TASP1: variants seen among roughly 807,000 people sequenced by gnomAD.
TASP1 encodes the protein threonine aspartase 1.
Under a neutral mutation model 56.6 loss-of-function variants are expected in TASP1, and 16 were observed. That is an observed-to-expected ratio of 0.28 (90% CI 0.19 to 0.43). TASP1 has a LOEUF of 0.43. TASP1 is among the 20% of genes least tolerant of loss of function. TASP1 has a pLI of 1.00. For missense variants in TASP1, 393 were observed against 511.6 expected (o/e 0.77, Z 2.24); for synonymous variants, 179 against 184.2 (o/e 0.97, Z 0.23).
chr20:13,111,960 C>T, the TASP1 span, among the ~76,000 whole-genome samples: 1 of 152,302 alleles, frequency 6.6e-6, no homozygotes, highest in Non-Finnish European at 1.5e-5. Context: ...CTGCATCCCA[C>T]CACTTCAGAA....
intron 13 of TASP1, among the ~76,000 whole-genome samples, chr20:13,403,576 G>C (rs1265112927): frequency 6.6e-6 from 1 of 152,192 alleles, no homozygotes; most frequent in Non-Finnish European, 1.5e-5. Context: ...AAGGATCAAA[G>C]TTGTAACTTG....
the TASP1 span, among the ~76,000 whole-genome samples, chr20:13,225,006 C>T: frequency 1.5e-4 from 21 of 143,452 alleles, no homozygotes; most frequent in East Asian, 5.9e-4. Flanking sequence ...CCACCACGCC[C>T]GGCTAATTTT....
At chr20:13,291,661 T>C in the TASP1 span, among the ~76,000 whole-genome samples, 1 of 152,206 alleles carries the variant, frequency 6.6e-6, no homozygotes, top group African/African-American at 2.4e-5. Context: ...CTGGGTTCAG[T>C]TCCTCAGAGC....
intron 4 of TASP1, among the ~76,000 whole-genome samples, chr20:13,604,656 C>T (rs545171976): frequency 6.6e-6 from 1 of 152,168 alleles, no homozygotes; most frequent in African/African-American, 2.4e-5. Flanking sequence ...TACCACCTTT[C>T]ACACGGGTCA....
chr20:13,542,091 G>A (rs1361045774), intron 8 of TASP1, among the ~76,000 whole-genome samples: 1 of 151,528 alleles, frequency 6.6e-6, no homozygotes, highest in South Asian at 2.1e-4. Context: ...CTTATTGAAT[G>A]TCATCAGATT....
the TASP1 span, among the ~76,000 whole-genome samples, chr20:13,126,403 G>A: frequency 1.3e-5 from 2 of 152,194 alleles, no homozygotes; most frequent in African/African-American, 4.8e-5. Context: ...TTTTGAGGGA[G>A]AGACTATGAA....
At chr20:13,252,076 G>A in the TASP1 span, among the ~76,000 whole-genome samples, 1 of 152,158 alleles carries the variant, frequency 6.6e-6, no homozygotes, top group African/African-American at 2.4e-5. Flanking sequence ...TCTGAAAAGA[G>A]CATTTTCTTG....
chr20:13,371,366 A>C, the TASP1 span, among the ~76,000 whole-genome samples: 1 of 152,042 alleles, frequency 6.6e-6, no homozygotes, highest in Non-Finnish European at 1.5e-5. Context: ...CTTTGTTTTC[A>C]TTCATCTCAA....
the TASP1 span, among the ~76,000 whole-genome samples, chr20:13,149,808 G>A: frequency 6.6e-6 from 1 of 152,252 alleles, no homozygotes; most frequent in Non-Finnish European, 1.5e-5. Context: ...AATCAAGGAA[G>A]TAGGGACAGC....
intron 11 of TASP1, among the ~76,000 whole-genome samples, chr20:13,478,889 C>A (rs1003123097): frequency 8.6e-5 from 13 of 151,896 alleles, no homozygotes; most frequent in African/African-American, 2.9e-4. Flanking sequence ...ATGATACAGA[C>A]AAAAATTACA....
the TASP1 span, among the ~76,000 whole-genome samples, chr20:13,357,301 C>G: frequency 6.6e-6 from 1 of 150,802 alleles, no homozygotes; most frequent in Non-Finnish European, 1.5e-5. Context: ...CTGTTCCAAC[C>G]CAAAGGAACA....
At chr20:13,422,860 G>A (rs1310635718) in intron 12 of TASP1, among the ~76,000 whole-genome samples, 1 of 152,166 alleles carries the variant, frequency 6.6e-6, no homozygotes, top group Non-Finnish European at 1.5e-5. Context: ...GTTCATGCAT[G>A]TCCACAAGTG....
rs374364933 is a variant in TASP1 at position 13,630,298 on chromosome 20, T to C, written c.-74-146A>G. 3 of 490,456 alleles carry C rather than the reference T, an allele frequency of 6.1e-6. No individual in the cohort carries two copies. In the East Asian group the frequency reaches 1.1e-4, roughly 18 times the overall value. The allele number at this position is 490,456 out of a possible 1,614,324, so 30.4% of individuals were successfully genotyped here. A position where few individuals can be genotyped will look rare whatever the true frequency, so the allele number is the denominator to read the frequency against. ...ACAAAAAAGGTATCAAAGCTATTTA[T>C]TAAAATTATTTTTTCTTATTCCCAT... On this transcript the variant is annotated intron_variant, in intron 1 of 13. Coordinates refer to ENST00000337743, the MANE Select transcript of TASP1 (RefSeq NM_017714.3).
the TASP1 span, chr20:13,164,595 A>C: frequency 3.2e-6 from 2 of 628,258 alleles, no homozygotes; most frequent in Non-Finnish European, 5.7e-6. Flanking sequence ...GTCTTAAACC[A>C]CAACCTAATG....
chr20:13,117,653 T>A, the TASP1 span: 2 of 1,613,964 alleles, frequency 1.2e-6, no homozygotes, highest in African/African-American at 2.7e-5. Flanking sequence ...TAGACCCTCA[T>A]GAAGTTGATG....
chr20:13,145,322 C>G, the TASP1 span, among the ~76,000 whole-genome samples: 1 of 152,216 alleles, frequency 6.6e-6, no homozygotes, highest in African/African-American at 2.4e-5. Flanking sequence ...ACTAAAATCA[C>G]TAGCATTTCT....
intron 11 of TASP1, among the ~76,000 whole-genome samples, chr20:13,440,839 AT>A (rs2146229734): frequency 6.6e-6 from 1 of 152,284 alleles, no homozygotes; most frequent in East Asian, 1.9e-4. Context: ...AGTAGGAAAT[AT>A]GGCTTCCCCC....
the TASP1 span, among the ~76,000 whole-genome samples, chr20:13,226,575 A>T: frequency 5.9e-5 from 9 of 151,984 alleles, 1 homozygote. Context: ...TGGTGATTTC[A>T]CCTGATATTA....
the TASP1 span, among the ~76,000 whole-genome samples, chr20:13,257,234 G>C: frequency 6.6e-6 from 1 of 152,140 alleles, no homozygotes; most frequent in Non-Finnish European, 1.5e-5. Flanking sequence ...GAGAGTATCG[G>C]CCAGGCTCGA....
Sources: gnomAD v4.1 joint callset for allele counts (sites outside exome capture counted in the v4.1 genomes callset) on GRCh38, gnomAD v4.1.1 for gene constraint, MANE v1.5 for transcripts, NCBI Gene and HGNC (gene_info 2026-07-23, HGNC 2026-07-21) for gene names.